NFATC1: variants seen among roughly 807,000 people sequenced by gnomAD.
NFATC1 encodes nuclear factor of activated T cells 1.
A neutral mutation model predicts 76.0 loss-of-function variants in NFATC1; 22 were observed. That is an observed-to-expected ratio of 0.29 (90% CI 0.21 to 0.41). The LOEUF is 0.41. Ranked by LOEUF, NFATC1 falls within the 10% of genes least tolerant of loss-of-function variation. The pLI is 1.00. For synonymous variants in NFATC1, 704 were observed against 613.1 expected, an observed-to-expected ratio of 1.15 and a Z score of -2.19; for missense variants, 1,357 against 1,337.7, an observed-to-expected ratio of 1.01 and a Z score of -0.23.
intron 1 of NFATC1, among the ~76,000 whole-genome samples, chr18:79,402,135 C>G (rs555632628): frequency 6.6e-6 from 1 of 152,234 alleles, no homozygotes; most frequent in Non-Finnish European, 1.5e-5. Flanking sequence ...TGACTGTGCG[C>G]GACAGCAGCC....
intron 2 of NFATC1, among the ~76,000 whole-genome samples, chr18:79,424,569 C>G (rs975815514): frequency 2.6e-5 from 4 of 151,898 alleles, no homozygotes; most frequent in Admixed American, 2.0e-4. Context: ...CTCTCTGTCT[C>G]TGTCTCTCCA....
chr18:79,451,193 C>T (rs1324135828), intron 5 of NFATC1, 67 bp downstream of exon 5: 64 of 1,535,114 alleles, frequency 4.2e-5, no homozygotes, highest in Non-Finnish European at 5.4e-5. Flanking sequence ...ACTGTCTCAC[C>T]CGCTCTCAGC....
At chr18:79,432,951 C>T (rs985338407) in intron 2 of NFATC1, among the ~76,000 whole-genome samples, 11 of 152,202 alleles carry the variant, frequency 7.2e-5, no homozygotes, top group Admixed American at 2.6e-4. Flanking sequence ...CAGCTCGTGT[C>T]CCTCTGTGCA....
In NFATC1 at chr18:79,527,920, A is replaced by C; in HGVS notation, c.*343A>C. 2.3e-6 allele frequency: 1 copy of C among 439,376 alleles called. No individual in the cohort carries two copies. The allele number at this position is 439,376 out of a possible 1,614,324, so 27.2% of individuals were successfully genotyped here. ...GCCCTTCTGGCACCCCTGGGGTTCA[A>C]TACTGGAAGTGCCTTATTTAACCAG... On this transcript the variant is annotated 3_prime_UTR_variant, in exon 10 of 10. Coordinates refer to ENST00000427363, the MANE Select transcript of NFATC1 (RefSeq NM_001278669.2).
rs2086576578 is a variant in NFATC1 at position 79,431,182 on chromosome 18, C to A, written c.1227-2397C>A. Among the ~76,000 whole-genome samples the A allele has an allele frequency of 4.6e-5, 7 of 152,204 alleles. No homozygotes were observed. The South Asian group carries it at 1.4e-3, about 31-fold the overall frequency. ...CTGCCAGGTGCATCTTTGGATAAAT[C>A]CATTTCTGAGTTTTCAAATTACTAT... On this transcript the variant is annotated intron_variant, in intron 2 of 9. Transcript: ENST00000427363.
intron 8 of NFATC1, 101 bp downstream of exon 8, chr18:79,467,683 G>A: frequency 6.4e-7 from 1 of 1,552,138 alleles, no homozygotes. Flanking sequence ...GTGGCGTGTT[G>A]CACATTTAAC....
chr18:79,460,474 C>T (rs1383408493), intron 6 of NFATC1, among the ~76,000 whole-genome samples: 2 of 152,206 alleles, frequency 1.3e-5, no homozygotes, highest in Non-Finnish European at 2.9e-5. Flanking sequence ...GTGGTGGGGC[C>T]GCCTTGTCCG....
chr18:79,486,973 C>T, intron 9 of NFATC1, 36 bp downstream of exon 9: 3 of 1,553,274 alleles, frequency 1.9e-6, no homozygotes, highest in Non-Finnish European at 2.6e-6. Flanking sequence ...TGTGCCCCGC[C>T]TGGCGCCATG....
intron 1 of NFATC1, chr18:79,400,488 G>A: frequency 2.1e-6 from 3 of 1,433,238 alleles, no homozygotes; most frequent in Middle Eastern, 1.9e-4. Flanking sequence ...AGGTGGGTCA[G>A]TCCCGGAGGG....
At chr18:79,414,002 C>G (rs754116672) in intron 2 of NFATC1, among the ~76,000 whole-genome samples, 1 of 152,184 alleles carries the variant, frequency 6.6e-6, no homozygotes, top group African/African-American at 2.4e-5. Context: ...CAAACTCGCT[C>G]CTGGGGTTTG....
intron 9 of NFATC1, among the ~76,000 whole-genome samples, chr18:79,508,231 GGGAC>G (rs1254600184): frequency 6.6e-6 from 1 of 151,940 alleles, no homozygotes; most frequent in South Asian, 2.1e-4. Context: ...GAGGGAGGGA[GGGAC>G]GGACGGACGG....
At position 79,460,439 on chromosome 18, in the gene NFATC1, G is replaced by A. The variant is rs145166189; in HGVS notation, c.1904-872G>A. Among the ~76,000 whole-genome samples the A allele has an allele frequency of 9.1e-3, 1,393 of 152,302 alleles. 9 individuals are homozygous for A. The highest frequency in any genetic ancestry group is 0.015 in the Non-Finnish European group (1,039 of 68,028). ...GCCCCAAACTCAGCCCATCTGAGGG[G>A]CCAGGCCGTGCACACACCCAGGCTG... is the stretch of plus-strand genomic sequence containing the variant. On this transcript the variant is annotated intron_variant, in intron 6 of 9. Transcript: ENST00000427363.
In NFATC1 at chr18:79,487,876, G is replaced by A. The variant is rs1032942027; in HGVS notation, c.2782+939G>A. Among the ~76,000 whole-genome samples the A allele has an allele frequency of 3.3e-5, 5 of 152,294 alleles. No individual in the cohort carries two copies. The East Asian group carries it at 7.7e-4, about 24-fold the overall frequency. On this transcript the variant is annotated intron_variant, in intron 9 of 9. Transcript: ENST00000427363. Reference sequence around the variant, plus strand: ...CACGCGTTAGAGGGCGATTCCGCTCGTGTTTTCTGCTCGAATGGTTTGTGT... The same window carrying A: ...CACGCGTTAGAGGGCGATTCCGCTCATGTTTTCTGCTCGAATGGTTTGTGT...
intron 3 of NFATC1, among the ~76,000 whole-genome samples, chr18:79,446,478 T>A (rs1236484538): frequency 6.6e-6 from 1 of 152,070 alleles, no homozygotes; most frequent in Non-Finnish European, 1.5e-5. Context: ...TCTCGGAAAA[T>A]GGAATACTGC....
intron 2 of NFATC1, among the ~76,000 whole-genome samples, chr18:79,412,932 G>T (rs1041229357): frequency 6.6e-6 from 1 of 152,190 alleles, no homozygotes; most frequent in Non-Finnish European, 1.5e-5. Flanking sequence ...CGTATTCTAG[G>T]TGATCACAAC....
intron 3 of NFATC1, among the ~76,000 whole-genome samples, chr18:79,442,460 A>G (rs1265731709): frequency 1.3e-5 from 2 of 152,074 alleles, no homozygotes. Context: ...TCCTTCCAGC[A>G]CCTTCTCTGG....
chr18:79,397,185 G>T (rs533437408), intron 1 of NFATC1, among the ~76,000 whole-genome samples: 2 of 152,336 alleles, frequency 1.3e-5, no homozygotes, highest in African/African-American at 4.8e-5. Flanking sequence ...TCCTGCAAGT[G>T]GCTTTGAAAA....
intron 1 of NFATC1, among the ~76,000 whole-genome samples, chr18:79,397,867 G>T (rs1450088562): frequency 6.6e-6 from 1 of 152,194 alleles, no homozygotes; most frequent in African/African-American, 2.4e-5. Context: ...AGCTCGAAAA[G>T]GTCCCTGCTG....
rs766412965 is a variant in NFATC1 at position 79,451,724 on chromosome 18, A to G, written c.1811A>G (p.Asp604Gly). Residue 604 changes from aspartate (D) to glycine (G), a missense_variant, in exon 6 of 10, where the codon GAC becomes GGC. This residue lies in a region of NFATC1 where 242 missense variants were observed against 329.2 expected (regional missense o/e 0.74). Coordinates refer to ENST00000427363, the MANE Select transcript of NFATC1 (RefSeq NM_001278669.2). The stretch of plus-strand genomic sequence containing the variant: ...CCTCTGGTGGAGAAGCAGAGCACGG[A>G]CAGCTATCCGGTCGTGGGCGGGAAG... Reference protein sequence around the residue: ...ELPLVEKQSTDSYPVVGGKKM... With the variant: ...ELPLVEKQSTGSYPVVGGKKM... 6.2e-7 allele frequency: 1 copy of G among 1,612,836 alleles called. No individual in the cohort carries two copies. The highest frequency in any genetic ancestry group is 8.5e-7 in the Non-Finnish European group (1 of 1,179,582).
Sources: gnomAD v4.1 joint callset for allele counts (sites outside exome capture counted in the v4.1 genomes callset) on GRCh38, gnomAD v4.1.1 for gene constraint, gnomAD v4.1.1 regional missense constraint, MANE v1.5 for transcripts, NCBI Gene and HGNC (gene_info 2026-07-23, HGNC 2026-07-21) for gene names.